Variants in TCF25 observed in about 807,000 individuals in gnomAD.
TCF25 encodes ribosome quality control complex subunit TCF25.
In TCF25, 41 loss-of-function variants were observed where a neutral mutation model predicts 83.1. The ratio of observed to expected loss-of-function variants is 0.49; its 90% CI spans 0.38 to 0.64. TCF25 has a LOEUF of 0.64. Among genes scored for constraint, TCF25 ranks in the 30% least tolerant of loss-of-function variants. The pLI is 0.00. For missense variants in TCF25, 979 were observed against 914.5 expected, an observed-to-expected ratio of 1.07 and a Z score of -0.91; for synonymous variants, 458 against 365.0, an observed-to-expected ratio of 1.25 and a Z score of -2.90.
At chr16:89,906,736 T>C (rs558623438) in intron 15 of TCF25, among the ~76,000 whole-genome samples, 1 of 152,272 alleles carries the variant, frequency 6.6e-6, no homozygotes, top group African/African-American at 2.4e-5. Context: ...CCGTGGACCG[T>C]CCACTGGGGA....
Position 89,911,190 on chromosome 16 carries a change from G to A in TCF25, c.1983G>A (p.Leu661=). ...TGGCCAACTTCCACCTCAACGACCT[G>A]GAGGCGCCGCACGAGGACGACGCTG... The part of the protein sequence containing the change: ...DMMANFHLND[L]EAPHEDDAEG... The change falls in exon 18 of 18, where the codon CTG becomes CTA. Residue 661 remains leucine, a synonymous_variant. Transcript: ENST00000263346. The A allele has an allele frequency of 6.2e-7, 1 of 1,612,500 alleles. No homozygotes were observed. Among genetic ancestry groups the A allele is most frequent in the Non-Finnish European group, 8.5e-7 (1 of 1,179,974 alleles).
intron 14 of TCF25, 81 bp downstream of exon 14, chr16:89,905,177 G>A (rs2144260870): frequency 6.8e-7 from 1 of 1,460,220 alleles, no homozygotes; most frequent in Non-Finnish European, 9.0e-7. Context: ...TCGCATTCGG[G>A]AGGCGAGAAG....
Position 89,904,991 on chromosome 16 carries a change from T to G in TCF25, c.1523T>G (p.Phe508Cys), listed in dbSNP as rs1447817361. 2 of 1,607,748 alleles carry G rather than the reference T, an allele frequency of 1.2e-6. No individual in the cohort carries two copies. The highest frequency in any genetic ancestry group is 8.5e-7 in the Non-Finnish European group (1 of 1,177,544). ...LVNLYLGRSHFLWKEPATMSW... is the reference protein window; with the variant it reads ...LVNLYLGRSHCLWKEPATMSW... ...AACCTGTACCTTGGGAGGTCACACT[T>G]TCTCTGGAAAGAGCCCGCCACCATG... The change falls in exon 14 of 18, where the codon TTT becomes TGT. Residue 508 changes from phenylalanine (F) to cysteine (C), a missense_variant. By Grantham distance (205) the Phe-to-Cys change is radical. Transcript: ENST00000263346.
At chr16:89,875,513 G>GTTTTTTT (rs1193815042) in intron 1 of TCF25, among the ~76,000 whole-genome samples, 2 of 66,010 alleles carry the variant, frequency 3.0e-5, no homozygotes, top group African/African-American at 1.4e-4. Flanking sequence ...CCTGACGTGA[G>GTTTTTTT]TTTTTTTTTT....
At chr16:89,874,057 C>G (rs2143858752) in intron 1 of TCF25, among the ~76,000 whole-genome samples, 198 bp downstream of exon 1, 1 of 119,256 alleles carries the variant, frequency 8.4e-6, no homozygotes, top group South Asian at 3.1e-4. Context: ...GGGGTGAAGA[C>G]GGCGGGCCGC....
At position 89,906,090 on chromosome 16, in the gene TCF25, C is replaced by T. The variant is rs761236456; in HGVS notation, c.1629-104C>T. 1.8e-5 allele frequency: 18 copies of T among 974,884 alleles called. No homozygotes were observed. In the Middle Eastern group the frequency reaches 8.3e-4, roughly 45 times the overall value. 60.4% of individuals were successfully genotyped at this position (974,884 alleles called of 1,614,324 possible). A position where few individuals can be genotyped will look rare whatever the true frequency, so the allele number is the denominator to read the frequency against. On this transcript the variant is annotated intron_variant, in intron 14 of 17. Coordinates refer to ENST00000263346, the MANE Select transcript of TCF25 (RefSeq NM_014972.3). The stretch of plus-strand genomic sequence containing the variant: ...GTTTTTGCAGCCACCAGAGATGCAG[C>T]GAGATGCCTCGTGCTGGGTGGGGGT...
intron 7 of TCF25, among the ~76,000 whole-genome samples, chr16:89,894,358 G>A (rs113364032): frequency 0.042 from 6,230 of 148,820 alleles, 459 homozygotes; most frequent in African/African-American, 0.15. Flanking sequence ...TCCCCTTGCA[G>A]CCCCGGACGG....
In TCF25 at chr16:89,883,412, T is replaced by C. The variant is rs752298723; in HGVS notation, c.254T>C (p.Leu85Pro). The C allele has an allele frequency of 6.2e-7, 1 of 1,613,998 alleles. No individual in the cohort carries two copies. Among genetic ancestry groups the C allele is most frequent in the Admixed American group, 1.7e-5 (1 of 60,010 alleles). Reference protein sequence around the residue: ...VVNGERSGCALTDAVAPGNKG... With the variant: ...VVNGERSGCAPTDAVAPGNKG... Reference sequence around the variant, plus strand: ...AACGGGGAGAGGTCTGGCTGTGCGCTCACAGACGCTGTGGCACCAGGGAAC... The same window carrying C: ...AACGGGGAGAGGTCTGGCTGTGCGCCCACAGACGCTGTGGCACCAGGGAAC... Residue 85 changes from leucine to proline, a missense_variant, in exon 2 of 18, where the codon CTC becomes CCC. Transcript: ENST00000263346.
At chr16:89,879,201 G>A (rs530901907) in intron 1 of TCF25, among the ~76,000 whole-genome samples, 3 of 151,144 alleles carry the variant, frequency 2.0e-5, no homozygotes, top group East Asian at 2.0e-4. Context: ...CGTGCTGTCC[G>A]TGTACACAGA....
At chr16:89,903,855 G>A (rs1309913579) in intron 12 of TCF25, among the ~76,000 whole-genome samples, 1 of 152,130 alleles carries the variant, frequency 6.6e-6, no homozygotes, top group African/African-American at 2.4e-5. Flanking sequence ...GGTGGTGGGT[G>A]AGTCTTCCCT....
chr16:89,906,132 T>C (rs2044758505), intron 14 of TCF25, 62 bp from the exon 15 acceptor site: 4 of 1,457,380 alleles, frequency 2.7e-6, no homozygotes, highest in Middle Eastern at 1.8e-4. Flanking sequence ...CGAGGCTCCA[T>C]GGCGGTTACC....
intron 9 of TCF25, among the ~76,000 whole-genome samples, chr16:89,897,853 C>T (rs1273161968): frequency 6.6e-6 from 1 of 152,206 alleles, no homozygotes; most frequent in East Asian, 1.9e-4. Context: ...TGGTGGCTCA[C>T]GCTTGTAATC....
chr16:89,904,908 G>T lies in TCF25; in HGVS notation c.1470-30G>T, dbSNP rs140032244. ...GAGGCAGGCTGTGGTCTGAAGAGGG[G>T]TTCTGCTCAGAGCCCTTGCTCTCCC... On this transcript the variant is annotated intron_variant, in intron 13 of 17. Coordinates refer to ENST00000263346, the MANE Select transcript of TCF25 (RefSeq NM_014972.3). 8.2e-3 allele frequency: 13,006 copies of T among 1,589,444 alleles called. 1,257 individuals are homozygous for T. The Admixed American group carries it at 0.19, about 23-fold the overall frequency.
chr16:89,902,929 G>A (rs2044464759), intron 12 of TCF25, among the ~76,000 whole-genome samples: 1 of 152,186 alleles, frequency 6.6e-6, no homozygotes, highest in Non-Finnish European at 1.5e-5. Flanking sequence ...GGAGGCCCAC[G>A]GCGTGGGGTT....
chr16:89,904,544 C>T (rs1220380058), intron 13 of TCF25: 3 of 490,764 alleles, frequency 6.1e-6, no homozygotes, highest in East Asian at 7.7e-5. Flanking sequence ...TGTGCTGCTG[C>T]ACTCCAGCCT....
At chr16:89,884,324 C>G (rs1282058860) in intron 2 of TCF25, among the ~76,000 whole-genome samples, 1 of 152,162 alleles carries the variant, frequency 6.6e-6, no homozygotes, top group Non-Finnish European at 1.5e-5. Flanking sequence ...GGAATGAGAG[C>G]TGGACCTGGT....
intron 1 of TCF25, 125 bp downstream of exon 1, chr16:89,873,984 A>T (rs2041953898): frequency 1.8e-6 from 2 of 1,100,486 alleles, no homozygotes; most frequent in Non-Finnish European, 2.4e-6. Context: ...CGTGGGTCCC[A>T]GCCGCAGTGG....
intron 7 of TCF25, 169 bp downstream of exon 7, chr16:89,894,027 T>C: frequency 2.0e-6 from 2 of 982,040 alleles, no homozygotes; most frequent in South Asian, 1.7e-5. Context: ...GAAGGAGATG[T>C]GTTCGGAGGC....
At chr16:89,907,946 ACCTCCCT>A (rs1324009625) in intron 16 of TCF25, among the ~76,000 whole-genome samples, 1 of 36,604 alleles carries the variant, frequency 2.7e-5, no homozygotes, top group Non-Finnish European at 5.2e-5. Flanking sequence ...CCCAGCTCCC[ACCTCCCT>A]CCTCCCGCCG....
Sources: gnomAD v4.1 joint callset for allele counts (sites outside exome capture counted in the v4.1 genomes callset) on GRCh38, gnomAD v4.1.1 for gene constraint, MANE v1.5 for transcripts, NCBI Gene and HGNC (gene_info 2026-07-23, HGNC 2026-07-21) for gene names.